Variants in COL23A1 observed in about 807,000 individuals in gnomAD.
COL23A1 encodes collagen type XXIII alpha 1 chain.
Under a neutral mutation model 99.3 loss-of-function variants are expected in COL23A1, and 97 were observed. The ratio of observed to expected loss-of-function variants is 0.98; its 90% CI spans 0.83 to 1.16. COL23A1 has a LOEUF of 1.16. Ranked by LOEUF, COL23A1 falls within the 50% of genes most tolerant of loss-of-function variation. The probability of loss-of-function intolerance (pLI) is 0.00; values close to 1 mark genes in which losing one functional copy is unlikely to be tolerated. For synonymous variants in COL23A1, 320 were observed against 308.2 expected (o/e 1.04, Z -0.40); for missense variants, 762 against 757.4 (o/e 1.01, Z -0.07).
chr5:178,581,044 G>A (rs1763635943), intron 1 of COL23A1, among the ~76,000 whole-genome samples: 1 of 151,936 alleles, frequency 6.6e-6, no homozygotes, highest in Non-Finnish European at 1.5e-5. Flanking sequence ...ACTGATACAG[G>A]GGTTTCATTC....
At position 178,524,699 on chromosome 5, in the gene COL23A1, G is replaced by GCTCTTGCCCTGCTGCCTGC. The variant is rs549329510; in HGVS notation, c.361+35964_361+35982dup. On this transcript the variant is annotated intron_variant, in intron 2 of 28. Coordinates refer to ENST00000390654, the MANE Select transcript of COL23A1 (RefSeq NM_173465.4). ...GCCACGCTGACCCGAGGCAGGGCTG[G>GCTCTTGCCCTGCTGCCTGC]CTCTTGCCCTGCTGCCTGCCTGACG... is the stretch of plus-strand genomic sequence containing the variant. 3.1e-4 allele frequency among the ~76,000 whole-genome samples: 47 copies of GCTCTTGCCCTGCTGCCTGC among 152,310 alleles called. No homozygotes were observed. In the East Asian group the frequency reaches 8.9e-3, roughly 29 times the overall value.
intron 1 of COL23A1, among the ~76,000 whole-genome samples, chr5:178,564,063 G>C (rs2113602088): frequency 6.6e-6 from 1 of 152,200 alleles, no homozygotes; most frequent in East Asian, 1.9e-4. Flanking sequence ...GTCACACTTG[G>C]GCTACTGCTA....
At chr5:178,536,859 C>T (rs1327358056) in intron 2 of COL23A1, among the ~76,000 whole-genome samples, 1 of 152,192 alleles carries the variant, frequency 6.6e-6, no homozygotes, top group African/African-American at 2.4e-5. Flanking sequence ...GAGCTTTTGG[C>T]AGCCACAGCT....
rs549706042 is a variant in COL23A1, at chr5:178,340,080, GA to G, written c.362-33162del. Reference sequence around the variant, plus strand: ...GAATGGATGGACGGGTTAGGGAGATGAATTCTGGTGTTGCCTGTCTCTAGCT... The same window carrying G: ...GAATGGATGGACGGGTTAGGGAGATGATTCTGGTGTTGCCTGTCTCTAGCT... On this transcript the variant is annotated intron_variant, in intron 2 of 28. Coordinates refer to ENST00000390654, the MANE Select transcript of COL23A1 (RefSeq NM_173465.4). This position sits in a 1 kb window ranked among gnomAD's most constrained non-coding sequence, Gnocchi z 4.7. 3.3e-4 allele frequency among the ~76,000 whole-genome samples: 51 copies of G among 152,270 alleles called. No individual in the cohort carries two copies. Among genetic ancestry groups the G allele is most frequent in the African/African-American group, 8.2e-4 (34 of 41,538 alleles).
At chr5:178,494,264 A>C (rs1226396138) in intron 2 of COL23A1, among the ~76,000 whole-genome samples, 1 of 152,208 alleles carries the variant, frequency 6.6e-6, no homozygotes, top group Non-Finnish European at 1.5e-5. Flanking sequence ...TTCAGGAGAC[A>C]CTTGGAGAGA....
rs576718364 is a variant in COL23A1, at chr5:178,428,110, G to T, written c.362-121191C>A. Among the ~76,000 whole-genome samples the T allele has an allele frequency of 3.1e-4, 47 of 152,094 alleles. No homozygotes were observed. The highest frequency in any genetic ancestry group is 1.2e-4 in the Non-Finnish European group (8 of 68,010). On this transcript the variant is annotated intron_variant, in intron 2 of 28. Transcript: ENST00000390654. The surrounding 1 kb of genome is among the most constrained non-coding windows in gnomAD (Gnocchi z 5.0). Reference sequence around the variant, plus strand: ...CCAGTCCAGCCTTTCCAGCAATGAGGGTATCATCAAAAGCCCACATCTATG... The same window carrying T: ...CCAGTCCAGCCTTTCCAGCAATGAGTGTATCATCAAAAGCCCACATCTATG...
intron 2 of COL23A1, among the ~76,000 whole-genome samples, chr5:178,397,208 C>T (rs917627578): frequency 1.3e-5 from 2 of 152,226 alleles, no homozygotes; most frequent in Non-Finnish European, 2.9e-5. Context: ...TCACTCCTTC[C>T]TGCCGCCACC....
intron 2 of COL23A1, among the ~76,000 whole-genome samples, chr5:178,451,733 TAAAG>T (rs1767502383): frequency 6.6e-6 from 1 of 151,476 alleles, no homozygotes; most frequent in South Asian, 2.1e-4. Context: ...TGATTAGATC[TAAAG>T]AAAGAAAACA....
intron 2 of COL23A1, among the ~76,000 whole-genome samples, chr5:178,358,248 G>GTGTGTGTA (rs1761888294): frequency 3.2e-5 from 4 of 125,616 alleles, no homozygotes; most frequent in African/African-American, 1.1e-4. Flanking sequence ...GTATGTGTAT[G>GTGTGTGTA]TGTGTGTATG....
intron 2 of COL23A1, among the ~76,000 whole-genome samples, chr5:178,521,587 AT>A (rs1201061376): frequency 1.3e-5 from 2 of 151,748 alleles, no homozygotes; most frequent in Admixed American, 6.6e-5. Flanking sequence ...TAAAGCCAAC[AT>A]TTAAGAATGA....
At chr5:178,314,349 G>A (rs937156209) in intron 2 of COL23A1, among the ~76,000 whole-genome samples, 4 of 152,154 alleles carry the variant, frequency 2.6e-5, no homozygotes, top group Non-Finnish European at 4.4e-5. Flanking sequence ...AGGCTGCCAG[G>A]GTTTTAAGGC....
In COL23A1 at chr5:178,306,781, G is replaced by A; in HGVS notation, c.406+94C>T. On this transcript the variant is annotated intron_variant, in intron 3 of 28. Transcript: ENST00000390654. The surrounding 1 kb of genome is among the most constrained non-coding windows in gnomAD (Gnocchi z 4.1). ...TGCCCAGGACCAAGGCATGACTCAG[G>A]GTGGGCAGCAGGTGGCCAGGCCCTG... is the stretch of plus-strand genomic sequence containing the variant. The A allele has an allele frequency of 1.1e-6, 1 of 924,010 alleles. No individual in the cohort carries two copies. Among genetic ancestry groups the A allele is most frequent in the Non-Finnish European group, 1.5e-6 (1 of 648,342 alleles). 57.2% of individuals were successfully genotyped at this position (924,010 alleles called of 1,614,324 possible).
intron 2 of COL23A1, among the ~76,000 whole-genome samples, chr5:178,311,161 C>T (rs759891507): frequency 3.9e-5 from 6 of 152,186 alleles, no homozygotes; most frequent in Non-Finnish European, 5.9e-5. Context: ...ACCACAGTGG[C>T]ATCTGCAAAA....
At chr5:178,517,261 A>G (rs1221882425) in intron 2 of COL23A1, among the ~76,000 whole-genome samples, 2 of 152,208 alleles carry the variant, frequency 1.3e-5, no homozygotes, top group Non-Finnish European at 2.9e-5. Context: ...AAAGGGATGG[A>G]TAAGTGGATA....
At chr5:178,278,591 G>A (rs1756720011) in intron 5 of COL23A1, among the ~76,000 whole-genome samples, 2 of 152,092 alleles carry the variant, frequency 1.3e-5, no homozygotes, top group Admixed American at 6.5e-5. Context: ...GCAAGCGTCA[G>A]TGAGCCCGTG....
At chr5:178,380,728 T>A (rs1236735424) in intron 2 of COL23A1, among the ~76,000 whole-genome samples, 1 of 152,048 alleles carries the variant, frequency 6.6e-6, no homozygotes, top group African/African-American at 2.4e-5. Context: ...GAGGATCACG[T>A]CCGGGGCCAA....
chr5:178,403,591 G>A (rs903020183), intron 2 of COL23A1, among the ~76,000 whole-genome samples: 6 of 152,172 alleles, frequency 3.9e-5, no homozygotes, highest in Non-Finnish European at 5.9e-5. Flanking sequence ...AATGTGTAAC[G>A]CCACTTCCAG....
rs997057726 is a variant in COL23A1 at position 178,583,510 on chromosome 5, G to C, written c.294+6394C>G. 8.5e-5 allele frequency among the ~76,000 whole-genome samples: 13 copies of C among 152,208 alleles called. No individual in the cohort carries two copies. In the East Asian group the frequency reaches 2.5e-3, roughly 29 times the overall value. On this transcript the variant is annotated intron_variant, in intron 1 of 28. Transcript: ENST00000390654. ...ACATGAACACACACACACAGACGCAGCTGAGCCTCGCCCATCGAGAGGCTG... is the reference window on the plus strand; with the variant it reads ...ACATGAACACACACACACAGACGCACCTGAGCCTCGCCCATCGAGAGGCTG...
rs553820215 is a variant in COL23A1 at position 178,318,644 on chromosome 5, A to G, written c.362-11725T>C. ...CGGCCGGGCGCGGTGGCTCACACCT[A>G]TAATTCCAGCACTTTGGGAGGCCGA... On this transcript the variant is annotated intron_variant, in intron 2 of 28. Coordinates refer to ENST00000390654, the MANE Select transcript of COL23A1 (RefSeq NM_173465.4). Among the ~76,000 whole-genome samples, 157 of 152,300 alleles carry G rather than the reference A, an allele frequency of 1.0e-3. 2 individuals are homozygous for G. In the South Asian group the frequency reaches 0.022, roughly 21 times the overall value.
Sources: allele counts gnomAD v4.1 joint callset (sites outside exome capture counted in the v4.1 genomes callset), GRCh38; gene constraint gnomAD v4.1.1; non-coding constraint Gnocchi (gnomAD v3.1); transcripts MANE v1.5; gene names NCBI Gene and HGNC (gene_info 2026-07-23, HGNC 2026-07-21).